The following FBXL13 variants were observed in gnomAD, a reference collection of about 807,000 sequenced individuals.
The protein encoded by FBXL13 is F-box and leucine-rich repeat protein 13.
FBXL13 carries 67 observed loss-of-function variants against 83.6 expected under a neutral mutation model. The ratio of observed to expected loss-of-function variants is 0.80; its 90% CI spans 0.66 to 0.98. The LOEUF (loss-of-function observed/expected upper bound fraction) is 0.98. Among genes scored for constraint, FBXL13 ranks in the 50% least tolerant of loss-of-function variants. The pLI is 0.00. For synonymous variants in FBXL13, 272 were observed against 299.5 expected, an observed-to-expected ratio of 0.91 and a Z score of 0.95; for missense variants, 822 against 866.5, an observed-to-expected ratio of 0.95 and a Z score of 0.64.
At chr7:102,816,628 T>A (rs1056844463) in intron 19 of FBXL13, among the ~76,000 whole-genome samples, 2 of 152,126 alleles carry the variant, frequency 1.3e-5, no homozygotes, top group Non-Finnish European at 2.9e-5. Context: ...TAAAAAAAAA[T>A]TTAGATTCAG....
chr7:102,993,043 A>G (rs755978489), intron 6 of FBXL13, among the ~76,000 whole-genome samples: 1 of 152,230 alleles, frequency 6.6e-6, no homozygotes, highest in Non-Finnish European at 1.5e-5. Context: ...TTTTTCACCC[A>G]CACCACAACT....
chr7:102,813,067 T>A (rs1015178149), downstream of FBXL13, among the ~76,000 whole-genome samples: 1 of 152,124 alleles, frequency 6.6e-6, no homozygotes, highest in Non-Finnish European at 1.5e-5. Flanking sequence ...GGTCTTGAAC[T>A]CCTGACTTAT....
intron 1 of FBXL13, among the ~76,000 whole-genome samples, chr7:103,061,761 A>G (rs1585619663): frequency 6.6e-6 from 1 of 151,968 alleles, no homozygotes; most frequent in Non-Finnish European, 1.5e-5. Context: ...ACACGGTGAA[A>G]CCCCGTCTCT....
intron 2 of FBXL13, among the ~76,000 whole-genome samples, chr7:103,032,136 T>C (rs1446871254): frequency 6.6e-6 from 1 of 152,214 alleles, no homozygotes; most frequent in Non-Finnish European, 1.5e-5. Flanking sequence ...TGATTTCTTT[T>C]TGAAAAGATA....
intron 8 of FBXL13, chr7:102,936,291 G>A (rs954832587): frequency 2.0e-5 from 3 of 152,216 alleles, no homozygotes; most frequent in Non-Finnish European, 4.4e-5. Context: ...GAGGCTCAAA[G>A]AGGTTCAGTC....
At chr7:103,033,783 A>T (rs1256599759) in intron 2 of FBXL13, among the ~76,000 whole-genome samples, 1 of 152,156 alleles carries the variant, frequency 6.6e-6, no homozygotes, top group African/African-American at 2.4e-5. Context: ...AGGGGACCCC[A>T]GCGGGTTCCC....
intron 2 of FBXL13, among the ~76,000 whole-genome samples, chr7:103,043,292 A>T (rs374976678): frequency 1.3e-5 from 2 of 152,324 alleles, no homozygotes; most frequent in East Asian, 3.9e-4. Context: ...TGCCCATTAG[A>T]ATGGAGATCA....
At chr7:102,878,251 T>G in intron 15 of FBXL13, 80 bp downstream of exon 16, 2 of 1,263,840 alleles carry the variant, frequency 1.6e-6, no homozygotes, top group Non-Finnish European at 2.1e-6. Flanking sequence ...TCATGAAATC[T>G]TTGCTTTTAG....
At chr7:102,829,031 G>T (rs1426272872) in intron 18 of FBXL13, among the ~76,000 whole-genome samples, 2 of 152,158 alleles carry the variant, frequency 1.3e-5, no homozygotes, top group Non-Finnish European at 2.9e-5. Context: ...GAACAGCCAG[G>T]CTCTGTTCCA....
At chr7:103,023,800 A>G (rs1185972009) in intron 6 of FBXL13, among the ~76,000 whole-genome samples, 2 of 152,234 alleles carry the variant, frequency 1.3e-5, no homozygotes, top group Non-Finnish European at 2.9e-5. Context: ...GCCATAAAAA[A>G]GAATGAGATC....
chr7:102,999,630 G>T (rs1790183371), intron 6 of FBXL13, among the ~76,000 whole-genome samples: 1 of 151,966 alleles, frequency 6.6e-6, no homozygotes, highest in Non-Finnish European at 1.5e-5. Context: ...TTTCTTCATG[G>T]TTCAATCTTG....
intron 14 of FBXL13, 43 bp downstream of exon 15, chr7:102,883,262 G>A: frequency 6.4e-7 from 1 of 1,559,942 alleles, no homozygotes; most frequent in Non-Finnish European, 8.7e-7. Flanking sequence ...GCACATACTA[G>A]ATAATCAACG....
At chr7:102,886,008 G>C (rs1253839308) in intron 11 of FBXL13, among the ~76,000 whole-genome samples, 1 of 152,132 alleles carries the variant, frequency 6.6e-6, no homozygotes, top group African/African-American at 2.4e-5. Context: ...GTGCCATACT[G>C]TTTCAATTAC....
chr7:102,890,000 TG>T (rs953993842), intron 11 of FBXL13, among the ~76,000 whole-genome samples: 2 of 115,278 alleles, frequency 1.7e-5, no homozygotes, highest in Non-Finnish European at 3.6e-5. Context: ...ATCCAGAAAG[TG>T]GGGGGTGGGG....
intron 10 of FBXL13, among the ~76,000 whole-genome samples, chr7:102,921,142 AC>A (rs916039697): frequency 7.2e-5 from 11 of 152,030 alleles, no homozygotes; most frequent in African/African-American, 2.7e-4. Context: ...ACAGGGCGAG[AC>A]TCCGTCTCAA....
chr7:102,866,699 C>T (rs558746022), intron 16 of FBXL13, among the ~76,000 whole-genome samples: 27 of 152,126 alleles, frequency 1.8e-4, no homozygotes, highest in Admixed American at 1.2e-3. Context: ...GATTAAGACA[C>T]GCAGCTGTAA....
At chr7:102,848,534 C>G (rs1379379484) in intron 17 of FBXL13, among the ~76,000 whole-genome samples, 4 of 31,358 alleles carry the variant, frequency 1.3e-4, no homozygotes, top group African/African-American at 8.6e-4. Flanking sequence ...CCAGCCTGGG[C>G]GACAGAGCGA....
At chr7:103,042,484 A>G (rs1322897123) in intron 2 of FBXL13, among the ~76,000 whole-genome samples, 1 of 152,212 alleles carries the variant, frequency 6.6e-6, no homozygotes, top group Non-Finnish European at 1.5e-5. Context: ...TTTAAAGTTC[A>G]TATGGAACCA....
At chr7:102,998,392 A>T (rs1020861135) in intron 6 of FBXL13, among the ~76,000 whole-genome samples, 1 of 152,100 alleles carries the variant, frequency 6.6e-6, no homozygotes, top group Non-Finnish European at 1.5e-5. Flanking sequence ...AGCATGGGCT[A>T]TCTTTCCATT....
Sources: gnomAD v4.1 joint callset for allele counts (sites outside exome capture counted in the v4.1 genomes callset) on GRCh38, gnomAD v4.1.1 for gene constraint, MANE v1.5 for transcripts, NCBI Gene and HGNC (gene_info 2026-07-23, HGNC 2026-07-21) for gene names.